The following LRBA variants were observed in gnomAD, a reference collection of about 807,000 sequenced individuals.
LRBA encodes LPS responsive beige-like anchor protein.
A neutral mutation model predicts 330.0 loss-of-function variants in LRBA; 176 were observed. That is an observed-to-expected ratio of 0.53 (90% CI 0.47 to 0.60). The LOEUF (loss-of-function observed/expected upper bound fraction) is 0.60, where lower values mean the gene tolerates loss of function less well. Ranked by LOEUF, LRBA falls within the 20% of genes least tolerant of loss-of-function variation. LRBA has a pLI of 0.00. For missense variants in LRBA, 3,259 were observed against 3,444.8 expected, an observed-to-expected ratio of 0.95 and a Z score of 1.35; for synonymous variants, 1,230 against 1,193.0, an observed-to-expected ratio of 1.03 and a Z score of -0.64.
At chr4:150,933,790 C>G (rs1480550711) in intron 2 of LRBA, among the ~76,000 whole-genome samples, 3 of 151,872 alleles carry the variant, frequency 2.0e-5, no homozygotes, top group African/African-American at 7.3e-5. Flanking sequence ...GAGAGCAGAT[C>G]AGTTGCACTC....
chr4:150,384,182 G>A (rs1174994276), intron 47 of LRBA, among the ~76,000 whole-genome samples: 1 of 151,936 alleles, frequency 6.6e-6, no homozygotes, highest in Non-Finnish European at 1.5e-5. Flanking sequence ...GGGATTACAG[G>A]CATGCACCAC....
At chr4:150,772,046 A>G (rs1310301829) in intron 34 of LRBA, among the ~76,000 whole-genome samples, 1 of 152,074 alleles carries the variant, frequency 6.6e-6, no homozygotes, top group Non-Finnish European at 1.5e-5. Flanking sequence ...TTTTCTACTC[A>G]TGTCCCTTCC....
chr4:150,271,313 GTT>G (rs34560876), intron 56 of LRBA, among the ~76,000 whole-genome samples: 11 of 144,222 alleles, frequency 7.6e-5, no homozygotes, highest in African/African-American at 2.6e-4. Context: ...AGCTGCAGGA[GTT>G]TTTTTTTTTT....
chr4:150,603,150 G>C (rs573931235), intron 37 of LRBA, among the ~76,000 whole-genome samples: 1 of 152,250 alleles, frequency 6.6e-6, no homozygotes, highest in African/African-American at 2.4e-5. Context: ...TCTCTACAAA[G>C]ATGCCCTACT....
chr4:150,699,399 C>T (rs111666543), intron 36 of LRBA, among the ~76,000 whole-genome samples: 264 of 152,070 alleles, frequency 1.7e-3, no homozygotes, highest in Middle Eastern at 3.4e-3. Context: ...TCTATGTCCA[C>T]GCTTTGGGCA....
chr4:150,914,064 T>A, intron 9 of LRBA, 131 bp downstream of exon 9: 4 of 635,484 alleles, frequency 6.3e-6, no homozygotes. Context: ...GTCACCCTGC[T>A]GTGGTATCAA....
intron 22 of LRBA, among the ~76,000 whole-genome samples, chr4:150,856,584 T>C (rs975999622): frequency 3.3e-5 from 5 of 152,234 alleles, no homozygotes; most frequent in Non-Finnish European, 5.9e-5. Flanking sequence ...TCTGAAATGC[T>C]TTTAAAATTC....
intron 37 of LRBA, among the ~76,000 whole-genome samples, chr4:150,672,325 C>T (rs1782135297): frequency 6.6e-6 from 1 of 151,516 alleles, no homozygotes; most frequent in Non-Finnish European, 1.5e-5. Flanking sequence ...AAGAAGATGC[C>T]CATATGTAAT....
At chr4:150,741,122 A>C (rs1185712834) in intron 35 of LRBA, among the ~76,000 whole-genome samples, 1 of 152,114 alleles carries the variant, frequency 6.6e-6, no homozygotes, top group Non-Finnish European at 1.5e-5. Context: ...GACTTACTGC[A>C]CCAAACAAAA....
intron 40 of LRBA, among the ~76,000 whole-genome samples, chr4:150,518,533 T>C (rs1037791248): frequency 6.6e-6 from 1 of 152,176 alleles, no homozygotes; most frequent in Non-Finnish European, 1.5e-5. Flanking sequence ...GAGCTCAACC[T>C]GCTTACCTTT....
chr4:150,744,599 A>G (rs1336230495), intron 35 of LRBA, among the ~76,000 whole-genome samples: 1 of 152,210 alleles, frequency 6.6e-6, no homozygotes. Flanking sequence ...ACTGTCCAAC[A>G]TCTGTTCAAC....
rs200014343 is a variant in LRBA at position 150,855,556 on chromosome 4, A to AT, written c.2767-2614dup. Among the ~76,000 whole-genome samples the AT allele has an allele frequency of 2.3e-3, 353 of 152,054 alleles. 4 individuals carry two copies. The East Asian group carries it at 0.032, about 14-fold the overall frequency. On this transcript the variant is annotated intron_variant, in intron 22 of 56. Coordinates refer to ENST00000651943, the MANE Select transcript of LRBA (RefSeq NM_001364905.1). ...ATTTATATGTACAGGTTAAGAAACA[A>AT]TTTTTTTTAATCTCACATGCCTACC...
chr4:150,354,551 T>TAATA (rs1737579301), intron 47 of LRBA, among the ~76,000 whole-genome samples: 2 of 152,054 alleles, frequency 1.3e-5, no homozygotes, highest in African/African-American at 4.8e-5. Context: ...CAACACAATA[T>TAATA]AATAATATTC....
intron 44 of LRBA, among the ~76,000 whole-genome samples, chr4:150,457,175 A>T (rs182734193): frequency 3.8e-4 from 58 of 152,178 alleles, no homozygotes; most frequent in Non-Finnish European, 6.8e-4. Context: ...ACTTCCAAAA[A>T]CTTGCTTCAA....
chr4:150,428,323 T>C (rs752359545), intron 46 of LRBA, among the ~76,000 whole-genome samples: 1 of 152,058 alleles, frequency 6.6e-6, no homozygotes, highest in Non-Finnish European at 1.5e-5. Context: ...ATCCAAGATA[T>C]GACCAGTGAT....
chr4:150,320,877 T>C (rs1732409340), intron 50 of LRBA, among the ~76,000 whole-genome samples: 1 of 152,028 alleles, frequency 6.6e-6, no homozygotes, highest in African/African-American at 2.4e-5. Flanking sequence ...AGAGAAACAT[T>C]TGATAAATAA....
intron 34 of LRBA, among the ~76,000 whole-genome samples, chr4:150,768,998 C>T (rs113414723): frequency 5.1e-4 from 65 of 126,520 alleles, no homozygotes; most frequent in African/African-American, 1.8e-3. Context: ...AGAGCAGTGG[C>T]GCAATCTCGG....
At chr4:150,808,122 A>G (rs182224253) in intron 32 of LRBA, among the ~76,000 whole-genome samples, 198 bp downstream of exon 32, 1,516 of 143,208 alleles carry the variant, frequency 0.011, 26 homozygotes, top group African/African-American at 0.043. Context: ...TGACTTGTAC[A>G]TCATCAAATG....
intron 28 of LRBA, chr4:150,841,065 A>C: frequency 1.1e-6 from 1 of 942,312 alleles, no homozygotes; most frequent in Non-Finnish European, 1.4e-6. Flanking sequence ...TGTTGGAAAA[A>C]ACAAAGGTAC....
Sources: gnomAD v4.1 joint callset for allele counts (sites outside exome capture counted in the v4.1 genomes callset) on GRCh38, gnomAD v4.1.1 for gene constraint, MANE v1.5 for transcripts, NCBI Gene and HGNC (gene_info 2026-07-23, HGNC 2026-07-21) for gene names.